Variants in CTNNA3 observed in about 807,000 individuals in gnomAD.
CTNNA3 encodes the protein catenin alpha 3.
Under a neutral mutation model 95.7 loss-of-function variants are expected in CTNNA3, and 76 were observed. That is an observed-to-expected ratio of 0.79 (90% CI 0.66 to 0.96). The LOEUF (loss-of-function observed/expected upper bound fraction) is 0.96, where lower values mean the gene tolerates loss of function less well. Ranked by LOEUF, CTNNA3 falls within the 40% of genes least tolerant of loss-of-function variation. CTNNA3 has a pLI of 0.00. For missense variants in CTNNA3, 1,191 were observed against 1,089.8 expected, an observed-to-expected ratio of 1.09 and a Z score of -1.31; for synonymous variants, 431 against 374.4, an observed-to-expected ratio of 1.15 and a Z score of -1.74.
At chr10:66,092,959 G>A (rs1482667900) in intron 14 of CTNNA3, among the ~76,000 whole-genome samples, 1 of 151,700 alleles carries the variant, frequency 6.6e-6, no homozygotes, top group Non-Finnish European at 1.5e-5. Flanking sequence ...TATATACTAA[G>A]CAATTCAGAT....
intron 16 of CTNNA3, among the ~76,000 whole-genome samples, chr10:65,988,195 C>T (rs1362888867): frequency 8.6e-5 from 13 of 151,854 alleles, no homozygotes; most frequent in Admixed American, 8.5e-4. Context: ...GTGTTCAAAA[C>T]AAAGAAATGA....
rs372021506 is a variant in CTNNA3 at position 66,564,447 on chromosome 10, A to G, written c.1375-43674T>C. On this transcript the variant is annotated intron_variant, in intron 10 of 17. Transcript: ENST00000433211. Reference sequence around the variant, plus strand: ...ATGGGCCCGCTTCATCCAGATTACAATTCTCTTCCCCTAGCTTCTCCAAGC... The same window carrying G: ...ATGGGCCCGCTTCATCCAGATTACAGTTCTCTTCCCCTAGCTTCTCCAAGC... Among the ~76,000 whole-genome samples, 53 of 152,192 alleles carry G rather than the reference A, an allele frequency of 3.5e-4. 1 individual carries two copies. The South Asian group carries it at 0.011, about 30-fold the overall frequency.
At chr10:67,204,858 G>A (rs1382432362) in intron 6 of CTNNA3, among the ~76,000 whole-genome samples, 2 of 152,132 alleles carry the variant, frequency 1.3e-5, no homozygotes, top group African/African-American at 2.4e-5. Context: ...AGTCAGTTTG[G>A]GTGGGGCCAC....
At chr10:66,816,456 A>T (rs1280822440) in intron 7 of CTNNA3, among the ~76,000 whole-genome samples, 1 of 152,166 alleles carries the variant, frequency 6.6e-6, no homozygotes, top group Non-Finnish European at 1.5e-5. Flanking sequence ...ATACATTCAA[A>T]GATACCAATA....
intron 9 of CTNNA3, among the ~76,000 whole-genome samples, chr10:66,625,630 C>T (rs557420968): frequency 4.2e-4 from 64 of 152,296 alleles, no homozygotes; most frequent in Admixed American, 2.6e-3. Flanking sequence ...CTCAAGCAAT[C>T]CATCTGCCTC....
intron 13 of CTNNA3, among the ~76,000 whole-genome samples, chr10:66,142,066 C>T (rs1157714690): frequency 1.3e-5 from 2 of 152,084 alleles, no homozygotes; most frequent in South Asian, 2.1e-4. Flanking sequence ...GGTGTTGTAC[C>T]TAAAACGTCT....
At chr10:66,596,440 A>G (rs1484370935) in intron 10 of CTNNA3, among the ~76,000 whole-genome samples, 2 of 152,194 alleles carry the variant, frequency 1.3e-5, no homozygotes, top group East Asian at 3.9e-4. Flanking sequence ...AGCAAATACC[A>G]GCAGCTGGCT....
At chr10:67,658,313 A>G (rs1413942675) in intron 1 of CTNNA3, among the ~76,000 whole-genome samples, 1 of 152,224 alleles carries the variant, frequency 6.6e-6, no homozygotes, top group Non-Finnish European at 1.5e-5. Flanking sequence ...CCATTAACTT[A>G]GCCAATATCT....
At chr10:66,106,337 TTGTGTG>T (rs201326026) in intron 13 of CTNNA3, among the ~76,000 whole-genome samples, 27,783 of 145,364 alleles carry the variant, frequency 0.19, 2,638 homozygotes, top group Admixed American at 0.22. Flanking sequence ...GTGTGTGTGT[TTGTGTG>T]TGTGTGTGTG....
chr10:66,152,517 AC>A (rs1193996978), intron 13 of CTNNA3, among the ~76,000 whole-genome samples: 8 of 152,034 alleles, frequency 5.3e-5, no homozygotes, highest in African/African-American at 1.9e-4. Context: ...AAAACTAACA[AC>A]ATGTATTCTG....
chr10:66,088,115 A>AT (rs1322802484), intron 14 of CTNNA3, among the ~76,000 whole-genome samples: 1 of 151,974 alleles, frequency 6.6e-6, no homozygotes, highest in Non-Finnish European at 1.5e-5. Context: ...ATTTTGGTCT[A>AT]TAAAATTATG....
chr10:66,425,751 T>G (rs975229672), intron 11 of CTNNA3, among the ~76,000 whole-genome samples: 8 of 152,044 alleles, frequency 5.3e-5, no homozygotes, highest in Non-Finnish European at 1.0e-4. Flanking sequence ...CAAAGTTTAA[T>G]GTATACAATG....
intron 2 of CTNNA3, among the ~76,000 whole-genome samples, chr10:67,608,771 A>C (rs1046645776): frequency 6.6e-6 from 1 of 152,136 alleles, no homozygotes; most frequent in Admixed American, 6.6e-5. Flanking sequence ...AAACAAAAAC[A>C]TCATACTGAA....
intron 11 of CTNNA3, among the ~76,000 whole-genome samples, chr10:66,451,531 T>C (rs12774929): frequency 0.27 from 40,300 of 152,004 alleles, 5,505 homozygotes; most frequent in South Asian, 0.39. Context: ...GTTAATCAAG[T>C]GTAAAACATA....
At chr10:66,110,688 T>C (rs951474032) in intron 13 of CTNNA3, among the ~76,000 whole-genome samples, 4 of 152,216 alleles carry the variant, frequency 2.6e-5, no homozygotes, top group Non-Finnish European at 5.9e-5. Flanking sequence ...CTAATCTAAG[T>C]TTGCTTGATT....
chr10:66,736,534 T>C (rs1849149719), intron 9 of CTNNA3, among the ~76,000 whole-genome samples: 1 of 151,996 alleles, frequency 6.6e-6, no homozygotes, highest in Admixed American at 6.6e-5. Context: ...CATTATAAAT[T>C]GAACCCCTTC....
At chr10:66,645,465 C>T (rs187000814) in intron 9 of CTNNA3, among the ~76,000 whole-genome samples, 1 of 152,220 alleles carries the variant, frequency 6.6e-6, no homozygotes, top group East Asian at 1.9e-4. Context: ...GTGGAAAATG[C>T]TGTCTTTCTT....
intron 5 of CTNNA3, among the ~76,000 whole-genome samples, chr10:67,510,475 G>A (rs185546310): frequency 4.7e-4 from 69 of 146,314 alleles, no homozygotes; most frequent in African/African-American, 1.7e-3. Flanking sequence ...TTTTTTTTTG[G>A]TCAGGTTTGT....
chr10:67,091,296 T>C (rs1187187359), intron 7 of CTNNA3, among the ~76,000 whole-genome samples: 2 of 151,988 alleles, frequency 1.3e-5, no homozygotes, highest in Non-Finnish European at 2.9e-5. Context: ...AATTAAAACA[T>C]TTCTTTAAGT....
Sources: gnomAD v4.1 joint callset for allele counts (sites outside exome capture counted in the v4.1 genomes callset) on GRCh38, gnomAD v4.1.1 for gene constraint, MANE v1.5 for transcripts, NCBI Gene and HGNC (gene_info 2026-07-23, HGNC 2026-07-21) for gene names.